EXT1: variants seen among roughly 807,000 people sequenced by gnomAD.
The protein encoded by EXT1 is exostosin-1.
In EXT1, 20 loss-of-function variants were observed where a neutral mutation model predicts 82.5. That is an observed-to-expected ratio of 0.24 (90% confidence interval 0.17 to 0.35). The LOEUF is 0.35. Among genes scored for constraint, EXT1 ranks in the 10% least tolerant of loss-of-function variants. EXT1 has a pLI of 1.00. For missense variants in EXT1, 757 were observed against 936.5 expected (o/e 0.81, Z 2.50); for synonymous variants, 348 against 350.8 (o/e 0.99, Z 0.09).
At chr8:117,971,182 G>A (rs1586316937) in intron 1 of EXT1, among the ~76,000 whole-genome samples, 1 of 152,300 alleles carries the variant, frequency 6.6e-6, no homozygotes, top group Admixed American at 6.5e-5. Flanking sequence ...CCTGTTTGGG[G>A]AGGGAGTGGA....
intron 1 of EXT1, among the ~76,000 whole-genome samples, chr8:118,088,792 A>G (rs888466002): frequency 3.3e-5 from 5 of 151,728 alleles, no homozygotes; most frequent in African/African-American, 4.8e-5. Context: ...CTGGCCAGTT[A>G]TGAGCTGTAC....
Position 118,012,093 on chromosome 8 carries a change from T to C in EXT1, c.962+97992A>G, listed in dbSNP as rs1453712030. Among the ~76,000 whole-genome samples the C allele has an allele frequency of 6.6e-5, 10 of 152,216 alleles. No homozygotes were observed. The East Asian group carries it at 1.7e-3, about 26-fold the overall frequency. On this transcript the variant is annotated intron_variant, in intron 1 of 10. Transcript: ENST00000378204. ...CAAGAACTACCACCACGGACGTGTC[T>C]CCTTTCTTTAAAGTGCTTTGTTATC...
At chr8:118,039,899 C>T (rs1816497010) in intron 1 of EXT1, among the ~76,000 whole-genome samples, 1 of 152,134 alleles carries the variant, frequency 6.6e-6, no homozygotes, top group Non-Finnish European at 1.5e-5. Context: ...TAGCACTTCT[C>T]CTAAGTCCAT....
chr8:117,889,143 T>C (rs900867841), intron 1 of EXT1, among the ~76,000 whole-genome samples: 2 of 152,142 alleles, frequency 1.3e-5, no homozygotes, highest in African/African-American at 4.8e-5. Context: ...GACTCCAGCA[T>C]GTAAGATATG....
At chr8:117,917,678 A>G (rs1813778942) in intron 1 of EXT1, among the ~76,000 whole-genome samples, 1 of 152,130 alleles carries the variant, frequency 6.6e-6, no homozygotes, top group Admixed American at 6.5e-5. Context: ...TGCGTATGGT[A>G]CCACTGCCTT....
At chr8:118,030,907 CT>C (rs1472710629) in intron 1 of EXT1, among the ~76,000 whole-genome samples, 21 of 152,172 alleles carry the variant, frequency 1.4e-4, no homozygotes, top group Admixed American at 1.4e-3. Flanking sequence ...AAAAGGGATA[CT>C]TGGTTCACTT....
chr8:118,065,418 G>A (rs1816963024), intron 1 of EXT1, among the ~76,000 whole-genome samples: 1 of 152,168 alleles, frequency 6.6e-6, no homozygotes. Context: ...GAACTAAACT[G>A]TGGCAAAACA....
intron 1 of EXT1, among the ~76,000 whole-genome samples, chr8:117,998,186 G>A (rs1280461764): frequency 6.6e-6 from 1 of 151,794 alleles, no homozygotes; most frequent in African/African-American, 2.4e-5. Context: ...GCTAATTTTT[G>A]TATTTTTAAT....
In EXT1 at chr8:117,799,413, A is replaced by T; in HGVS notation, c.*299T>A. ...TTTTAATAGTTTTGATCATTAAAAA[A>T]GTTTAAACCTGCATAGCAATCATTT... On this transcript the variant is annotated 3_prime_UTR_variant, in exon 11 of 11. Transcript: ENST00000378204. 2.7e-6 allele frequency: 1 copy of T among 369,716 alleles called. No individual in the cohort carries two copies. 22.9% of individuals were successfully genotyped at this position (369,716 alleles called of 1,614,324 possible). A position where few individuals can be genotyped will look rare whatever the true frequency, so the allele number is the denominator to read the frequency against.
chr8:117,838,500 C>T (rs558734503), intron 1 of EXT1, among the ~76,000 whole-genome samples: 2 of 152,196 alleles, frequency 1.3e-5, no homozygotes, highest in East Asian at 1.9e-4. Context: ...CTAATTTGCA[C>T]AAGAAAAGGT....
intron 1 of EXT1, among the ~76,000 whole-genome samples, chr8:118,080,511 T>C (rs1044413816): frequency 6.6e-6 from 1 of 152,136 alleles, no homozygotes; most frequent in Non-Finnish European, 1.5e-5. Context: ...ACTGAAACAT[T>C]AGTTTTTAAA....
At chr8:117,939,391 G>A (rs1452642015) in intron 1 of EXT1, among the ~76,000 whole-genome samples, 7 of 151,946 alleles carry the variant, frequency 4.6e-5, no homozygotes, top group Admixed American at 2.0e-4. Context: ...CCAACATGGC[G>A]AAACCCTGTC....
rs58862041 is a variant in EXT1 at position 118,037,836 on chromosome 8, G to GTTTTTTTT, written c.962+72241_962+72248dup. ...CTTTGTATCAACAAGAGTGTTTTTTGTTTTTTTTTTTTTTTTTTTTTGAGA... is the reference window on the plus strand; with the variant it reads ...CTTTGTATCAACAAGAGTGTTTTTTGTTTTTTTTTTTTTTTTTTTTTTTTTTTTTGAGA... On this transcript the variant is annotated intron_variant, in intron 1 of 10. Coordinates refer to ENST00000378204, the MANE Select transcript of EXT1 (RefSeq NM_000127.3). 4.2e-3 allele frequency among the ~76,000 whole-genome samples: 453 copies of GTTTTTTTT among 107,226 alleles called. 1 individual carries two copies. The highest frequency in any genetic ancestry group is 0.013 in the African/African-American group (305 of 23,670). The allele number at this position is 107,226 out of a possible 152,430, so 70.3% of individuals were successfully genotyped here.
At chr8:117,998,015 CTTT>C (rs11324491) in intron 1 of EXT1, among the ~76,000 whole-genome samples, 6 of 125,620 alleles carry the variant, frequency 4.8e-5, no homozygotes, top group Non-Finnish European at 5.1e-5. Flanking sequence ...TTTTATTTTA[CTTT>C]TTTTTTTTTT....
intron 1 of EXT1, among the ~76,000 whole-genome samples, chr8:117,884,094 C>T (rs1056315817): frequency 2.0e-5 from 3 of 152,154 alleles, no homozygotes; most frequent in East Asian, 3.8e-4. Flanking sequence ...TAATAAGTGA[C>T]TTTAATTGAA....
intron 1 of EXT1, among the ~76,000 whole-genome samples, chr8:117,858,844 G>GGAAGGAAGGAAGGAAA (rs1812627618): frequency 1.9e-4 from 16 of 85,314 alleles, no homozygotes; most frequent in African/African-American, 5.3e-4. Context: ...AAGGAAGGAA[G>GGAAGGAAGGAAGGAAA]GAAAGAAAGA....
intron 5 of EXT1, among the ~76,000 whole-genome samples, chr8:117,821,127 T>A (rs1192368946): frequency 6.6e-6 from 1 of 152,206 alleles, no homozygotes; most frequent in Non-Finnish European, 1.5e-5. Flanking sequence ...TGCAGGGACA[T>A]TCAAGTTACG....
intron 8 of EXT1, among the ~76,000 whole-genome samples, chr8:117,810,584 C>T (rs1281029797): frequency 6.6e-6 from 1 of 152,156 alleles, no homozygotes; most frequent in African/African-American, 2.4e-5. Context: ...GAAAAACAAT[C>T]CTAGAGTGAG....
intron 4 of EXT1, among the ~76,000 whole-genome samples, 176 bp from the exon 5 acceptor site, chr8:117,822,773 A>G (rs1251005969): frequency 6.6e-6 from 1 of 152,196 alleles, no homozygotes; most frequent in Non-Finnish European, 1.5e-5. Context: ...TGGAGCAATG[A>G]AAAAGAGTGA....
Sources: gnomAD v4.1 joint callset for allele counts (sites outside exome capture counted in the v4.1 genomes callset) on GRCh38, gnomAD v4.1.1 for gene constraint, MANE v1.5 for transcripts, NCBI Gene and HGNC (gene_info 2026-07-23, HGNC 2026-07-21) for gene names.